Variants in NARS2 observed in about 807,000 individuals in gnomAD.
NARS2 encodes asparaginyl-tRNA synthetase.
A neutral mutation model predicts 62.9 loss-of-function variants in NARS2; 60 were observed. That is an observed-to-expected ratio of 0.95 (90% CI 0.77 to 1.18). The LOEUF (loss-of-function observed/expected upper bound fraction) is 1.18, where lower values mean the gene tolerates loss of function less well. NARS2 is among the 50% of genes most tolerant of loss of function. The pLI is 0.00. For missense variants in NARS2, 619 were observed against 576.4 expected (o/e 1.07, Z -0.76); for synonymous variants, 196 against 200.0 (o/e 0.98, Z 0.17).
intron 4 of NARS2, among the ~76,000 whole-genome samples, chr11:78,564,479 C>T (rs1856672377): frequency 6.6e-6 from 1 of 152,220 alleles, no homozygotes; most frequent in Non-Finnish European, 1.5e-5. Context: ...ATGTGAACCA[C>T]TGCACCCTGA....
intron 10 of NARS2, among the ~76,000 whole-genome samples, chr11:78,468,146 A>C (rs1483919389): frequency 6.6e-6 from 1 of 151,710 alleles, no homozygotes; most frequent in Non-Finnish European, 1.5e-5. Context: ...TAGGAGTTCA[A>C]GATGAGCTCA....
At chr11:78,490,730 C>T (rs561392350) in intron 7 of NARS2, among the ~76,000 whole-genome samples, 2 of 151,912 alleles carry the variant, frequency 1.3e-5, no homozygotes, top group South Asian at 2.1e-4. Flanking sequence ...CACCACACTC[C>T]ACCCTGGCAG....
intron 6 of NARS2, among the ~76,000 whole-genome samples, chr11:78,506,992 T>G (rs945745652): frequency 1.3e-5 from 2 of 152,200 alleles, no homozygotes; most frequent in Non-Finnish European, 2.9e-5. Context: ...GGGAGGCAGC[T>G]GTGCACGTCT....
chr11:78,572,681 T>C lies in NARS2; in HGVS notation c.142-1237A>G, dbSNP rs531771497. ...TTGCTAAAATTATTTGTTTTAACCA[T>C]TGGAGCAGGGCTGTCCAACAGAAAC... On this transcript the variant is annotated intron_variant, in intron 1 of 13. Transcript: ENST00000281038. 3.3e-5 allele frequency among the ~76,000 whole-genome samples: 5 copies of C among 152,340 alleles called. No individual in the cohort carries two copies. In the South Asian group the frequency reaches 8.3e-4, roughly 25 times the overall value.
intron 11 of NARS2, among the ~76,000 whole-genome samples, chr11:78,459,145 C>T (rs1192101067): frequency 6.6e-6 from 1 of 151,596 alleles, no homozygotes; most frequent in African/African-American, 2.4e-5. Context: ...GAACTCCTGA[C>T]CTCAGGTGAT....
intron 5 of NARS2, among the ~76,000 whole-genome samples, chr11:78,537,694 A>G (rs1487852886): frequency 6.6e-6 from 1 of 152,198 alleles, no homozygotes; most frequent in African/African-American, 2.4e-5. Context: ...CCAGCTACTG[A>G]GGAGGCTGAG....
At position 78,472,172 on chromosome 11, in the gene NARS2, A is replaced by T. The variant is rs970907045; in HGVS notation, c.960-2859T>A. On this transcript the variant is annotated intron_variant, in intron 9 of 13. Transcript: ENST00000281038. ...GTTCAAATTACAGTTCTGACATTTG[A>T]TATCCTTAATGGCTTCCATCAACTC... is the stretch of plus-strand genomic sequence containing the variant. Among the ~76,000 whole-genome samples, 3 of 152,304 alleles carry T rather than the reference A, an allele frequency of 2.0e-5. No individual in the cohort carries two copies. In the East Asian group the frequency reaches 5.8e-4, roughly 29 times the overall value.
chr11:78,538,950 G>A (rs1006268000), intron 5 of NARS2, among the ~76,000 whole-genome samples: 8 of 128,062 alleles, frequency 6.2e-5, no homozygotes, highest in African/African-American at 1.5e-4. Context: ...AGCCGAGATC[G>A]CGCCACTGCA....
At chr11:78,471,711 A>T (rs1382997539) in intron 9 of NARS2, among the ~76,000 whole-genome samples, 5 of 119,734 alleles carry the variant, frequency 4.2e-5, no homozygotes, top group South Asian at 2.7e-4. Flanking sequence ...CAGTCCCCAG[A>T]GTGTGATGTT....
At chr11:78,459,669 G>A (rs918849185) in intron 11 of NARS2, among the ~76,000 whole-genome samples, 12 of 152,174 alleles carry the variant, frequency 7.9e-5, no homozygotes, top group African/African-American at 2.9e-4. Context: ...CCATGACTGT[G>A]AGGCCTCCCC....
chr11:78,535,167 A>G (rs1384417182), intron 5 of NARS2, among the ~76,000 whole-genome samples: 1 of 152,214 alleles, frequency 6.6e-6, no homozygotes, highest in African/African-American at 2.4e-5. Flanking sequence ...ATTTTTTTGT[A>G]CATTGTGGCA....
chr11:78,464,019 G>A (rs1365153527), intron 11 of NARS2, among the ~76,000 whole-genome samples: 1 of 152,210 alleles, frequency 6.6e-6, no homozygotes, highest in Admixed American at 6.5e-5. Context: ...CTCACGGTGA[G>A]TGTTACAGTT....
At position 78,478,038 on chromosome 11, in the gene NARS2, A is replaced by C. The variant is rs888546670; in HGVS notation, c.959+400T>G. Among the ~76,000 whole-genome samples, 3 of 152,090 alleles carry C rather than the reference A, an allele frequency of 2.0e-5. No individual in the cohort carries two copies. In the East Asian group the frequency reaches 5.8e-4, roughly 29 times the overall value. On this transcript the variant is annotated intron_variant, in intron 9 of 13. Coordinates refer to ENST00000281038, the MANE Select transcript of NARS2 (RefSeq NM_024678.6). ...ACGCAGATCACTGTGGTAATCTCTTAGTTTTCTGTTCCTGAATTCTTGTCT... is the reference window on the plus strand; with the variant it reads ...ACGCAGATCACTGTGGTAATCTCTTCGTTTTCTGTTCCTGAATTCTTGTCT...
chr11:78,518,768 C>T (rs902843153), intron 6 of NARS2, among the ~76,000 whole-genome samples: 11 of 152,236 alleles, frequency 7.2e-5, no homozygotes, highest in Middle Eastern at 3.4e-3. Context: ...CTGCCCACCT[C>T]GGCCTCCCAA....
rs192404983 is a variant in NARS2 at position 78,541,270 on chromosome 11, A to C, written c.595-12334T>G. Among the ~76,000 whole-genome samples the C allele has an allele frequency of 8.3e-4, 127 of 152,272 alleles. 1 individual carries two copies. The highest frequency in any genetic ancestry group is 2.9e-3 in the African/African-American group (121 of 41,550). On this transcript the variant is annotated intron_variant, in intron 5 of 13. Coordinates refer to ENST00000281038, the MANE Select transcript of NARS2 (RefSeq NM_024678.6). ...TTATATACAACTACTTTTTGGTAAGATCAGTTGTAGAATCCAGGTTTCTCA... is the reference window on the plus strand; with the variant it reads ...TTATATACAACTACTTTTTGGTAAGCTCAGTTGTAGAATCCAGGTTTCTCA...
chr11:78,500,647 AT>A (rs1433040970), intron 6 of NARS2, among the ~76,000 whole-genome samples: 2 of 152,128 alleles, frequency 1.3e-5, no homozygotes, highest in Admixed American at 1.3e-4. Context: ...CTAATTAAAA[AT>A]TTTTTTATAG....
At position 78,571,426 on chromosome 11, in the gene NARS2, G is replaced by A. The variant is rs751315158; in HGVS notation, c.160C>T (p.Arg54Ter). The change falls in exon 2 of 14, where the codon CGA becomes TGA. Residue 54 changes from arginine (R) to a stop codon, truncating the protein, a stop_gained. Transcript: ENST00000281038. LOFTEE classifies it high-confidence loss of function. Reference sequence around the variant, plus strand: ...AGGAACAAGACTTCCTTCTGGGATCGGACAGAACGAATCCATCCCTAAGGA... The same window carrying A: ...AGGAACAAGACTTCCTTCTGGGATCAGACAGAACGAATCCATCCCTAAGGA... Reference protein sequence around the residue: ...IKIQGWIRSVRSQKEVLFLHV... With the variant: ...IKIQGWIRSV 5.1e-5 allele frequency: 83 copies of A among 1,611,892 alleles called. No individual in the cohort carries two copies. The highest frequency in any genetic ancestry group is 6.6e-5 in the Non-Finnish European group (78 of 1,178,918).
chr11:78,574,611 C>T lies in NARS2; in HGVS notation c.-123G>A. 1.8e-6 allele frequency: 2 copies of T among 1,096,072 alleles called. No individual in the cohort carries two copies. Among genetic ancestry groups the T allele is most frequent in the Non-Finnish European group, 2.5e-6 (2 of 789,378 alleles). 67.9% of individuals were successfully genotyped at this position (1,096,072 alleles called of 1,614,324 possible). Reference sequence around the variant, plus strand: ...GCCGCAGCTCTGCTCTAAGGCACTCCAGAGCCCCTCGGCTGCGCGCTTTCT... The same window carrying T: ...GCCGCAGCTCTGCTCTAAGGCACTCTAGAGCCCCTCGGCTGCGCGCTTTCT... On this transcript the variant is annotated 5_prime_UTR_variant, in exon 1 of 14. Coordinates refer to ENST00000281038, the MANE Select transcript of NARS2 (RefSeq NM_024678.6).
At chr11:78,554,686 T>C (rs1856279569) in intron 5 of NARS2, among the ~76,000 whole-genome samples, 1 of 152,206 alleles carries the variant, frequency 6.6e-6, no homozygotes, top group African/African-American at 2.4e-5. Context: ...GGCTATGGCA[T>C]TCTCTAGATA....
Sources: allele counts gnomAD v4.1 joint callset (sites outside exome capture counted in the v4.1 genomes callset), GRCh38; gene constraint gnomAD v4.1.1; transcripts MANE v1.5; gene names NCBI Gene and HGNC (gene_info 2026-07-23, HGNC 2026-07-21).